PKNOX2: variants seen among roughly 807,000 people sequenced by gnomAD.
The protein encoded by PKNOX2 is PBX/knotted 1 homeobox 2.
In PKNOX2, 14 loss-of-function variants were observed where a neutral mutation model predicts 53.1. The observed-to-expected ratio is 0.26, with a 90% confidence interval of 0.17 to 0.41. PKNOX2 has a LOEUF of 0.41. Ranked by LOEUF, PKNOX2 falls within the 10% of genes least tolerant of loss-of-function variation. PKNOX2 has a pLI of 1.00. For synonymous variants in PKNOX2, 257 were observed against 242.8 expected, an observed-to-expected ratio of 1.06 and a Z score of -0.54; for missense variants, 496 against 602.8, an observed-to-expected ratio of 0.82 and a Z score of 1.85.
At chr11:125,346,978 A>T (rs77531054) in intron 3 of PKNOX2, among the ~76,000 whole-genome samples, 5,458 of 152,218 alleles carry the variant, frequency 0.036, 142 homozygotes, top group East Asian at 0.12. Flanking sequence ...AGTTCTTCTA[A>T]GAGGGTAACA....
intron 2 of PKNOX2, among the ~76,000 whole-genome samples, chr11:125,299,519 C>T (rs1183808181): frequency 2.0e-5 from 3 of 152,076 alleles, no homozygotes; most frequent in Non-Finnish European, 4.4e-5. Flanking sequence ...TGCTGGGCAT[C>T]AGGAGAGGTG....
At chr11:125,340,624 T>A (rs906727453) in intron 3 of PKNOX2, among the ~76,000 whole-genome samples, 3 of 152,208 alleles carry the variant, frequency 2.0e-5, no homozygotes, top group Non-Finnish European at 2.9e-5. Flanking sequence ...GTGGCAGTTG[T>A]TATTAATTCT....
rs140137580 is a variant in PKNOX2, at chr11:125,326,561, A to T, written c.-129-5258A>T. Among the ~76,000 whole-genome samples, 19 of 152,328 alleles carry T rather than the reference A, an allele frequency of 1.2e-4. No homozygotes were observed. In the East Asian group the frequency reaches 3.5e-3, roughly 28 times the overall value. On this transcript the variant is annotated intron_variant, in intron 2 of 12. Transcript: ENST00000298282. ...GAGCAGAGGAGAAACACCATAAACA[A>T]GTCGATGAATTATTTTAGCTTCCAA...
chr11:125,421,636 G>A (rs1203154175), intron 10 of PKNOX2, among the ~76,000 whole-genome samples: 1 of 152,236 alleles, frequency 6.6e-6, no homozygotes, highest in Non-Finnish European at 1.5e-5. Context: ...CACAGTGCCT[G>A]AAGGGTGGCC....
At chr11:125,357,482 C>T (rs1951681489) in intron 4 of PKNOX2, among the ~76,000 whole-genome samples, 1 of 152,030 alleles carries the variant, frequency 6.6e-6, no homozygotes, top group African/African-American at 2.4e-5. Context: ...TTGTCTACTC[C>T]CTTGTCCCCA....
intron 4 of PKNOX2, among the ~76,000 whole-genome samples, chr11:125,357,506 A>G (rs748286106): frequency 6.6e-6 from 1 of 152,190 alleles, no homozygotes; most frequent in Non-Finnish European, 1.5e-5. Context: ...AGAACGAATG[A>G]ATGCCCTAAA....
At chr11:125,347,022 C>T (rs1951015381) in intron 3 of PKNOX2, among the ~76,000 whole-genome samples, 1 of 152,172 alleles carries the variant, frequency 6.6e-6, no homozygotes, top group African/African-American at 2.4e-5. Context: ...AGAAGGGACT[C>T]ACTTCCCCGG....
chr11:125,414,704 G>A lies in PKNOX2; in HGVS notation c.936+2839G>A, dbSNP rs527638522. On this transcript the variant is annotated intron_variant, in intron 10 of 12. Transcript: ENST00000298282. ...CAGACAGATCGAGGCATGAATTGAGGCTCTCCCACTAGCAGTGTGATTACC... is the reference window on the plus strand; with the variant it reads ...CAGACAGATCGAGGCATGAATTGAGACTCTCCCACTAGCAGTGTGATTACC... 6.9e-4 allele frequency among the ~76,000 whole-genome samples: 105 copies of A among 151,464 alleles called. 2 individuals carry two copies. The South Asian group carries it at 0.021, about 31-fold the overall frequency.
chr11:125,195,034 A>G (rs747555337), intron 1 of PKNOX2, among the ~76,000 whole-genome samples: 24 of 152,196 alleles, frequency 1.6e-4, no homozygotes, highest in Non-Finnish European at 3.1e-4. Flanking sequence ...GGAACGCTTA[A>G]GGAACCCATC....
At chr11:125,247,373 T>A (rs1943641891) in intron 2 of PKNOX2, among the ~76,000 whole-genome samples, 1 of 152,158 alleles carries the variant, frequency 6.6e-6, no homozygotes, top group Non-Finnish European at 1.5e-5. Flanking sequence ...CTCCTGGGAC[T>A]CTTCCTCACC....
chr11:125,267,257 G>A (rs556848096), intron 2 of PKNOX2, among the ~76,000 whole-genome samples: 82 of 152,306 alleles, frequency 5.4e-4, no homozygotes, highest in African/African-American at 1.8e-3. Flanking sequence ...TTGTGCTCAT[G>A]TGTGTGTTCC....
At chr11:125,349,924 T>C (rs949766352) in intron 3 of PKNOX2, among the ~76,000 whole-genome samples, 2 of 151,314 alleles carry the variant, frequency 1.3e-5, no homozygotes, top group African/African-American at 2.4e-5. Flanking sequence ...CAAAGCACTC[T>C]CAAATTCCCA....
At chr11:125,279,713 C>T (rs1946422140) in intron 2 of PKNOX2, among the ~76,000 whole-genome samples, 1 of 152,220 alleles carries the variant, frequency 6.6e-6, no homozygotes. Context: ...CTGGGGGCCC[C>T]TTTTGCCACC....
chr11:125,415,514 G>A (rs1044324578), intron 10 of PKNOX2, among the ~76,000 whole-genome samples: 1 of 152,112 alleles, frequency 6.6e-6, no homozygotes, highest in African/African-American at 2.4e-5. Context: ...CTGCCATAGT[G>A]TATTTTTTTT....
intron 2 of PKNOX2, among the ~76,000 whole-genome samples, chr11:125,314,560 C>T (rs1388233592): frequency 6.6e-6 from 1 of 152,170 alleles, no homozygotes; most frequent in Non-Finnish European, 1.5e-5. Flanking sequence ...CATCACTGAC[C>T]TGCAGTCAGT....
intron 4 of PKNOX2, among the ~76,000 whole-genome samples, chr11:125,366,392 A>C (rs932127195): frequency 6.6e-6 from 1 of 152,198 alleles, no homozygotes; most frequent in African/African-American, 2.4e-5. Flanking sequence ...TTATAGTCTC[A>C]ACCTCATTCA....
chr11:125,372,954 C>T (rs183465103), intron 5 of PKNOX2, among the ~76,000 whole-genome samples: 13 of 152,344 alleles, frequency 8.5e-5, no homozygotes, highest in Non-Finnish European at 1.8e-4. Flanking sequence ...CTGTCTCATG[C>T]AGACTGGATG....
chr11:125,349,520 G>A (rs959151618), intron 3 of PKNOX2, among the ~76,000 whole-genome samples: 1 of 152,168 alleles, frequency 6.6e-6, no homozygotes, highest in Non-Finnish European at 1.5e-5. Context: ...CGGTGAGGCC[G>A]ACGGAACCGG....
chr11:125,273,869 T>C (rs973110037), intron 2 of PKNOX2, among the ~76,000 whole-genome samples: 7 of 152,216 alleles, frequency 4.6e-5, no homozygotes, highest in African/African-American at 1.7e-4. Context: ...ACTGTTGAGC[T>C]GTGCTAACCA....
Sources: allele counts gnomAD v4.1 joint callset (sites outside exome capture counted in the v4.1 genomes callset), GRCh38; gene constraint gnomAD v4.1.1; transcripts MANE v1.5; gene names NCBI Gene and HGNC (gene_info 2026-07-23, HGNC 2026-07-21).